SNTG2: variants seen among roughly 807,000 people sequenced by gnomAD.
SNTG2 encodes the protein syntrophin gamma 2.
In SNTG2, 74 loss-of-function variants were observed where a neutral mutation model predicts 70.9. That is an observed-to-expected ratio of 1.04 (90% CI 0.86 to 1.27). The LOEUF is 1.27. Ranked by LOEUF, SNTG2 falls within the 50% of genes most tolerant of loss-of-function variation. SNTG2 has a pLI of 0.00. For missense variants in SNTG2, 717 were observed against 690.7 expected, an observed-to-expected ratio of 1.04 and a Z score of -0.43; for synonymous variants, 278 against 273.8, an observed-to-expected ratio of 1.02 and a Z score of -0.15.
intron 4 of SNTG2, among the ~76,000 whole-genome samples, chr2:1,103,079 A>AG (rs1246615986): frequency 6.6e-6 from 1 of 152,138 alleles, no homozygotes; most frequent in Non-Finnish European, 1.5e-5. Context: ...CACTCCTCAC[A>AG]GGGGACTCAG....
chr2:1,117,738 C>T (rs1390731948), intron 4 of SNTG2, among the ~76,000 whole-genome samples: 1 of 152,216 alleles, frequency 6.6e-6, no homozygotes, highest in African/African-American at 2.4e-5. Flanking sequence ...CACTGCACTG[C>T]TCCCCACCTT....
chr2:1,207,070 A>T lies in SNTG2; in HGVS notation c.592-2033A>T, dbSNP rs75446398. On this transcript the variant is annotated intron_variant, in intron 8 of 16. Transcript: ENST00000308624. ...CACAGTTAAAATTAAATGTATAGGGATAATTAAAACCTTGCCACAGTATGC... is the reference window on the plus strand; with the variant it reads ...CACAGTTAAAATTAAATGTATAGGGTTAATTAAAACCTTGCCACAGTATGC... Among the ~76,000 whole-genome samples, 190 of 152,320 alleles carry T rather than the reference A, an allele frequency of 1.2e-3. 3 individuals carry two copies. The East Asian group carries it at 0.032, about 26-fold the overall frequency.
At position 1,082,916 on chromosome 2, in the gene SNTG2, A is replaced by G. The variant is rs147092788; in HGVS notation, c.73-602A>G. Among the ~76,000 whole-genome samples the G allele has an allele frequency of 1.2e-4, 18 of 152,278 alleles. No homozygotes were observed. The East Asian group carries it at 2.9e-3, about 25-fold the overall frequency. ...ACTAATTAAACTTCCCTCCTGATCA[A>G]TACTTCCTAGCAATTCCACATTGTG... On this transcript the variant is annotated intron_variant, in intron 1 of 16. Transcript: ENST00000308624.
At chr2:1,306,901 G>A (rs75308211) in intron 14 of SNTG2, among the ~76,000 whole-genome samples, 4,176 of 152,194 alleles carry the variant, frequency 0.027, 189 homozygotes, top group African/African-American at 0.096. Flanking sequence ...TGTGTGCCCC[G>A]CACTGTGTGT....
In SNTG2 at chr2:1,132,865, G is replaced by C. The variant is rs550894786; in HGVS notation, c.326-4757G>C. Among the ~76,000 whole-genome samples, 22 of 152,328 alleles carry C rather than the reference G, an allele frequency of 1.4e-4. No individual in the cohort carries two copies. The South Asian group carries it at 4.3e-3, about 30-fold the overall frequency. On this transcript the variant is annotated intron_variant, in intron 4 of 16. Coordinates refer to ENST00000308624, the MANE Select transcript of SNTG2 (RefSeq NM_018968.4). ...GCCCTGCACCTGCCCCTTCTCTCCT[G>C]AGTTCAGTGAGAACCATGCATTTGC...
intron 13 of SNTG2, chr2:1,262,703 G>A (rs1006559877): frequency 1.1e-5 from 1 of 94,680 alleles, no homozygotes; most frequent in East Asian, 2.2e-4. Flanking sequence ...CCGTCCAGAC[G>A]AGGCAACCGG....
At chr2:1,255,865 T>A (rs1458875789) in intron 12 of SNTG2, among the ~76,000 whole-genome samples, 3 of 116,356 alleles carry the variant, frequency 2.6e-5, no homozygotes, top group Non-Finnish European at 5.3e-5. Context: ...TATATATAAA[T>A]ATATATAAAT....
chr2:972,587 A>C (rs1464662711), intron 1 of SNTG2, among the ~76,000 whole-genome samples: 2 of 152,108 alleles, frequency 1.3e-5, no homozygotes, highest in Non-Finnish European at 2.9e-5. Flanking sequence ...CTCATGTCGG[A>C]TCATCATCAT....
chr2:1,116,804 T>G (rs111206401), intron 4 of SNTG2, among the ~76,000 whole-genome samples: 1,751 of 45,624 alleles, frequency 0.038, 29 homozygotes, highest in African/African-American at 0.11. Flanking sequence ...GTGCCCTGGT[T>G]TACGGGTTTC....
At chr2:1,281,215 GT>G (rs1572914379) in intron 14 of SNTG2, among the ~76,000 whole-genome samples, 4 of 89,850 alleles carry the variant, frequency 4.5e-5, no homozygotes, top group East Asian at 3.7e-4. Flanking sequence ...TGTGGTGTGT[GT>G]GTGTTTGTGT....
chr2:1,008,401 C>G (rs1255674326), intron 1 of SNTG2, among the ~76,000 whole-genome samples: 1 of 152,134 alleles, frequency 6.6e-6, no homozygotes, highest in Non-Finnish European at 1.5e-5. Flanking sequence ...ATAGTCATTT[C>G]TATAATAGCT....
At chr2:1,081,587 C>T (rs1664299565) in intron 1 of SNTG2, among the ~76,000 whole-genome samples, 2 of 152,350 alleles carry the variant, frequency 1.3e-5, no homozygotes, top group East Asian at 3.9e-4. Context: ...CAGCCACACC[C>T]CATGCACCTG....
At chr2:966,003 G>A (rs966475987) in intron 1 of SNTG2, among the ~76,000 whole-genome samples, 4 of 152,176 alleles carry the variant, frequency 2.6e-5, no homozygotes, top group East Asian at 3.9e-4. Context: ...CTGCTTCTTC[G>A]GTCCTGTGTG....
chr2:975,487 A>G (rs1203913957), intron 1 of SNTG2, among the ~76,000 whole-genome samples: 2 of 152,242 alleles, frequency 1.3e-5, no homozygotes, highest in East Asian at 3.8e-4. Flanking sequence ...TTTGCAGGAG[A>G]AAGTCTCTGG....
chr2:1,119,570 T>TA (rs1267129779), intron 4 of SNTG2, among the ~76,000 whole-genome samples: 1 of 148,786 alleles, frequency 6.7e-6, no homozygotes, highest in African/African-American at 2.5e-5. Flanking sequence ...TTTTTTTGTA[T>TA]AAAAAAATGT....
At chr2:1,213,289 A>T (rs1054687640) in intron 9 of SNTG2, among the ~76,000 whole-genome samples, 1 of 152,314 alleles carries the variant, frequency 6.6e-6, no homozygotes, top group South Asian at 2.1e-4. Context: ...CTCACTTAAC[A>T]TCATTGATTG....
intron 1 of SNTG2, among the ~76,000 whole-genome samples, chr2:1,020,088 C>G (rs1342680049): frequency 6.6e-6 from 1 of 152,178 alleles, no homozygotes; most frequent in African/African-American, 2.4e-5. Context: ...GGGCCACTGA[C>G]AGTTATTCCC....
At chr2:1,028,235 G>A (rs952037157) in intron 1 of SNTG2, among the ~76,000 whole-genome samples, 4 of 149,046 alleles carry the variant, frequency 2.7e-5, no homozygotes, top group African/African-American at 1.0e-4. Flanking sequence ...GTGCATCACT[G>A]AAGGTGCGTC....
intron 9 of SNTG2, among the ~76,000 whole-genome samples, chr2:1,214,941 G>T (rs1674283080): frequency 6.6e-6 from 1 of 152,190 alleles, no homozygotes; most frequent in Non-Finnish European, 1.5e-5. Context: ...CTTTGATGAT[G>T]AAAGGATAAT....
Sources: allele counts gnomAD v4.1 joint callset (sites outside exome capture counted in the v4.1 genomes callset), GRCh38; gene constraint gnomAD v4.1.1; transcripts MANE v1.5; gene names NCBI Gene and HGNC (gene_info 2026-07-23, HGNC 2026-07-21).